UBE2K: variants seen among roughly 807,000 people sequenced by gnomAD.
UBE2K encodes ubiquitin conjugating enzyme E2 K.
Under a neutral mutation model 30.0 loss-of-function variants are expected in UBE2K, and 6 were observed. The ratio of observed to expected loss-of-function variants is 0.20; its 90% CI spans 0.11 to 0.39. The LOEUF (loss-of-function observed/expected upper bound fraction) is 0.39. Among genes scored for constraint, UBE2K ranks in the 10% least tolerant of loss-of-function variants. UBE2K has a pLI of 1.00. For synonymous variants in UBE2K, 86 were observed against 83.7 expected (o/e 1.03, Z -0.15); for missense variants, 61 against 241.6 (o/e 0.25, Z 4.96).
In UBE2K at chr4:39,771,169, G is replaced by A. The variant is rs528391752; in HGVS notation, c.300-3665G>A. ...CCTAACAGCGAATTCCAGGGTGCCCGTGTAGCAGGAGAGAAGCAGGTCGGC... is the reference window on the plus strand; with the variant it reads ...CCTAACAGCGAATTCCAGGGTGCCCATGTAGCAGGAGAGAAGCAGGTCGGC... On this transcript the variant is annotated intron_variant, in intron 4 of 6. Coordinates refer to ENST00000261427, the MANE Select transcript of UBE2K (RefSeq NM_005339.5). 125 of 1,613,058 alleles carry A rather than the reference G, an allele frequency of 7.7e-5. No individual in the cohort carries two copies. In the South Asian group the frequency reaches 1.3e-3, roughly 17 times the overall value.
chr4:39,772,397 CAAAA>C (rs34937270), intron 4 of UBE2K, among the ~76,000 whole-genome samples: 86 of 127,222 alleles, frequency 6.8e-4, no homozygotes, highest in Admixed American at 9.5e-4. Flanking sequence ...CTGTCTCTAC[CAAAA>C]AAAAAAAAAA....
chr4:39,775,582 G>A (rs1713235468), intron 5 of UBE2K, among the ~76,000 whole-genome samples: 2 of 152,070 alleles, frequency 1.3e-5, no homozygotes, highest in Admixed American at 6.6e-5. Flanking sequence ...GTGAAATCCT[G>A]TCTGTACTAA....
At chr4:39,703,773 G>A (rs1193634903) in intron 1 of UBE2K, among the ~76,000 whole-genome samples, 1 of 151,020 alleles carries the variant, frequency 6.6e-6, no homozygotes, top group African/African-American at 2.4e-5. Flanking sequence ...CTTGAACCGG[G>A]GAGGTGGAGG....
intron 4 of UBE2K, among the ~76,000 whole-genome samples, chr4:39,769,162 G>C (rs1289629238): frequency 6.7e-6 from 1 of 149,860 alleles, no homozygotes; most frequent in African/African-American, 2.5e-5. Flanking sequence ...ATTTTAATGT[G>C]CATCAGAATC....
At chr4:39,733,716 T>C (rs1253598657) in intron 1 of UBE2K, among the ~76,000 whole-genome samples, 1 of 152,208 alleles carries the variant, frequency 6.6e-6, no homozygotes, top group Non-Finnish European at 1.5e-5. Context: ...ATTCTGAAAG[T>C]ATTCTCATTT....
chr4:39,771,300 G>A, intron 4 of UBE2K: 4 of 1,612,008 alleles, frequency 2.5e-6, no homozygotes, highest in Non-Finnish European at 3.4e-6. Flanking sequence ...TGACCTTGTG[G>A]CCTCGAAACT....
At chr4:39,720,273 A>G (rs981204703) in intron 1 of UBE2K, among the ~76,000 whole-genome samples, 12 of 152,028 alleles carry the variant, frequency 7.9e-5, no homozygotes, top group African/African-American at 2.9e-4. Flanking sequence ...AATTAGGATG[A>G]TGGAATGTCC....
rs964820561 is a variant in UBE2K at position 39,782,131 on chromosome 4, C to T, written c.*3697C>T. On this transcript the variant is annotated 3_prime_UTR_variant, in exon 7 of 7. Transcript: ENST00000261427. ...ATACACCCTCATGAACTTGCAATCA[C>T]CTAAATGGAAGTCTTGAATGTGTCA... The T allele has an allele frequency of 7.6e-6, 3 of 394,144 alleles. No individual in the cohort carries two copies. Among genetic ancestry groups the T allele is most frequent in the African/African-American group, 6.2e-5 (3 of 48,510 alleles). The allele number at this position is 394,144 out of a possible 1,614,324, so 24.4% of individuals were successfully genotyped here. A position where few individuals can be genotyped will look rare whatever the true frequency, so the allele number is the denominator to read the frequency against.
chr4:39,744,638 G>A (rs1578467745), intron 2 of UBE2K, among the ~76,000 whole-genome samples: 1 of 151,542 alleles, frequency 6.6e-6, no homozygotes, highest in African/African-American at 2.4e-5. Flanking sequence ...TGGGCACAGT[G>A]GCTCACGCCT....
intron 2 of UBE2K, among the ~76,000 whole-genome samples, chr4:39,742,735 C>T (rs1200982370): frequency 6.6e-6 from 1 of 150,946 alleles, no homozygotes; most frequent in Admixed American, 6.6e-5. Context: ...AGTGAGAATC[C>T]GCCTCAAATA....
chr4:39,768,884 G>A (rs1307942476), intron 4 of UBE2K, among the ~76,000 whole-genome samples: 1 of 152,052 alleles, frequency 6.6e-6, no homozygotes, highest in African/African-American at 2.4e-5. Flanking sequence ...TTTTGATGGA[G>A]TATCACTCTG....
chr4:39,763,517 T>A (rs1712109714), intron 4 of UBE2K, among the ~76,000 whole-genome samples: 1 of 152,122 alleles, frequency 6.6e-6, no homozygotes, highest in African/African-American at 2.4e-5. Flanking sequence ...CCCAAAGTGC[T>A]GGGATTACAG....
intron 1 of UBE2K, among the ~76,000 whole-genome samples, chr4:39,703,056 C>T (rs899530650): frequency 9.2e-5 from 14 of 152,028 alleles, no homozygotes; most frequent in African/African-American, 3.1e-4. Flanking sequence ...TGCAGTGGCA[C>T]GATCTCAGCT....
rs1221226796 is a variant in UBE2K, at chr4:39,720,044, T to C, written c.64-17376T>C. Among the ~76,000 whole-genome samples, 3 of 152,224 alleles carry C rather than the reference T, an allele frequency of 2.0e-5. No individual in the cohort carries two copies. In the East Asian group the frequency reaches 5.8e-4, roughly 29 times the overall value. ...GAGTTCTTTCTCACTGATCTTCCAT[T>C]CCCCATTGCTTAGCACCATTGCCTG... On this transcript the variant is annotated intron_variant, in intron 1 of 6. Transcript: ENST00000261427.
chr4:39,748,583 C>T (rs893884981), intron 3 of UBE2K, among the ~76,000 whole-genome samples: 9 of 149,360 alleles, frequency 6.0e-5, no homozygotes, highest in African/African-American at 2.0e-4. Context: ...AGTTTGAGTT[C>T]AGCCTGGACA....
chr4:39,727,578 C>CTT (rs1201271762), intron 1 of UBE2K, among the ~76,000 whole-genome samples: 3 of 142,512 alleles, frequency 2.1e-5, no homozygotes, highest in Non-Finnish European at 1.5e-5. Flanking sequence ...CTGGACTGAT[C>CTT]TTTTTTTTTT....
intron 1 of UBE2K, among the ~76,000 whole-genome samples, chr4:39,727,283 G>C (rs2109335666): frequency 6.6e-6 from 1 of 152,324 alleles, no homozygotes; most frequent in East Asian, 1.9e-4. Context: ...GGTGATACTG[G>C]AGAGTAGGAC....
intron 1 of UBE2K, among the ~76,000 whole-genome samples, chr4:39,736,240 A>G (rs1051828510): frequency 2.6e-5 from 4 of 152,182 alleles, no homozygotes; most frequent in African/African-American, 9.6e-5. Context: ...AGGCGGGCGT[A>G]TCGCGAGGTC....
At position 39,752,713 on chromosome 4, in the gene UBE2K, C is replaced by G. The variant is rs139468311; in HGVS notation, c.217-2944C>G. ...CATATGCTTGTTTATGAATTGAACT[C>G]AATAGTAAATAGAGGTTGATTATTC... On this transcript the variant is annotated intron_variant, in intron 3 of 6. Transcript: ENST00000261427. 7.5e-3 allele frequency among the ~76,000 whole-genome samples: 1,140 copies of G among 152,122 alleles called. 24 individuals are homozygous for G. Among genetic ancestry groups the G allele is most frequent in the Admixed American group, 0.061 (939 of 15,282 alleles).
Sources: allele counts gnomAD v4.1 joint callset (sites outside exome capture counted in the v4.1 genomes callset), GRCh38; gene constraint gnomAD v4.1.1; transcripts MANE v1.5; gene names NCBI Gene and HGNC (gene_info 2026-07-23, HGNC 2026-07-21).